The following LRRC71 variants were observed in gnomAD, a reference collection of about 807,000 sequenced individuals.
LRRC71 encodes leucine rich repeat containing 71, also known as leucine-rich repeat-containing protein 71.
In LRRC71, 54 loss-of-function variants were observed where a neutral mutation model predicts 66.6. The ratio of observed to expected loss-of-function variants is 0.81; its 90% CI spans 0.65 to 1.02. The LOEUF is 1.02. Ranked by LOEUF, LRRC71 falls within the 50% of genes least tolerant of loss-of-function variation. The pLI, the probability that LRRC71 is intolerant of heterozygous loss-of-function variation, is 0.00. For synonymous variants in LRRC71, 323 were observed against 303.9 expected (o/e 1.06, Z -0.65); for missense variants, 724 against 718.0 (o/e 1.01, Z -0.10).
rs928622572 is a variant in LRRC71, at chr1:156,929,191, C to T, written c.997-89C>T. 5 of 1,474,318 alleles carry T rather than the reference C, an allele frequency of 3.4e-6. No individual in the cohort carries two copies. In the African/African-American group the frequency reaches 7.0e-5, roughly 21 times the overall value. The allele number at this position is 1,474,318 out of a possible 1,614,324, so 91.3% of individuals were successfully genotyped here. On this transcript the variant is annotated intron_variant, in intron 9 of 14. Coordinates refer to ENST00000337428, the MANE Select transcript of LRRC71 (RefSeq NM_144702.3). ...GGAGGGTGCTGTCAGCTCGACTGCT[C>T]CCCAAGTATGGGTATAGCTACCTTT... is the stretch of plus-strand genomic sequence containing the variant.
chr1:156,929,068 C>T (rs1271924478), intron 9 of LRRC71, among the ~76,000 whole-genome samples: 4 of 152,188 alleles, frequency 2.6e-5, no homozygotes, highest in Non-Finnish European at 2.9e-5. Flanking sequence ...CCCTTCATCT[C>T]ACCCCACCCA....
In LRRC71 at chr1:156,927,972, C is replaced by T; in HGVS notation, c.964C>T (p.Leu322=). The change falls in exon 9 of 15, where the codon CTG becomes TTG. Residue 322 remains leucine (L), a synonymous_variant. Transcript: ENST00000337428. The part of the protein sequence containing the change: ...TEVVERRRLL[L]EKGTQERSRS... ...AGTGGTGGAGCGCCGACGCCTCCTG[C>T]TGGAAAAAGGGACACAGGAGCGCTC... The T allele has an allele frequency of 1.2e-6, 2 of 1,610,130 alleles. No homozygotes were observed. Among genetic ancestry groups the T allele is most frequent in the Non-Finnish European group, 1.7e-6 (2 of 1,178,776 alleles).
chr1:156,931,411 T>A (rs1023972536), intron 12 of LRRC71, among the ~76,000 whole-genome samples: 2 of 152,196 alleles, frequency 1.3e-5, no homozygotes, highest in Non-Finnish European at 2.9e-5. Flanking sequence ...TCTGCCTCTG[T>A]CTTGATCAGG....
chr1:156,925,154 A>G, intron 5 of LRRC71, 139 bp downstream of exon 5: 3 of 779,894 alleles, frequency 3.8e-6, no homozygotes, highest in Non-Finnish European at 6.3e-6. Flanking sequence ...GAAGCAGGCA[A>G]TGTCTGTTGG....
intron 11 of LRRC71, among the ~76,000 whole-genome samples, chr1:156,930,124 A>T (rs1162846321): frequency 2.0e-4 from 15 of 74,018 alleles, no homozygotes; most frequent in South Asian, 4.0e-4. Flanking sequence ...ATGGATTCTC[A>T]CTCTGTTGCC....
downstream of LRRC71, chr1:156,935,934 T>A: frequency 1.3e-6 from 2 of 1,535,914 alleles, no homozygotes; most frequent in Non-Finnish European, 1.8e-6. Flanking sequence ...CCCTACCCTG[T>A]GCCCCGGTCT....
In LRRC71 at chr1:156,932,849, T is replaced by C; in HGVS notation, c.1564-4T>C. 1 of 1,606,250 alleles carries C rather than the reference T, an allele frequency of 6.2e-7. No individual in the cohort carries two copies. Among genetic ancestry groups the C allele is most frequent in the Non-Finnish European group, 8.5e-7 (1 of 1,176,568 alleles). On this transcript the variant is annotated splice_polypyrimidine_tract_variant and splice_region_variant and intron_variant, in intron 14 of 14. Transcript: ENST00000337428. Reference sequence around the variant, plus strand: ...TCAGATGTCAGCCTTCCTTTTCTTTTCAGAAAAATTGCTTCGCCCCACAAT... The same window carrying C: ...TCAGATGTCAGCCTTCCTTTTCTTTCCAGAAAAATTGCTTCGCCCCACAAT...
chr1:156,936,587 A>G (rs540895279), downstream of LRRC71, among the ~76,000 whole-genome samples: 514 of 149,166 alleles, frequency 3.4e-3, 3 homozygotes, highest in Non-Finnish European at 5.5e-3. Flanking sequence ...TGTTACCTCC[A>G]TAGCACAAGG....
chr1:156,940,049 G>T, the LRRC71 span: 1 of 1,442,294 alleles, frequency 6.9e-7, no homozygotes, highest in Non-Finnish European at 9.3e-7. Context: ...ACTAGCTGGT[G>T]GGGGTTGGGT....
At chr1:156,924,207 G>T in intron 2 of LRRC71, 109 bp downstream of exon 2, 7 of 1,335,022 alleles carry the variant, frequency 5.2e-6, no homozygotes, top group East Asian at 2.5e-5. Context: ...GTGTGTGTGT[G>T]AGTCGGCGGT....
At chr1:156,939,566 A>G in the LRRC71 span, 2 of 1,612,232 alleles carry the variant, frequency 1.2e-6, no homozygotes, top group South Asian at 1.1e-5. Context: ...ACAACTTTGT[A>G]ACCTCCTGCT....
Position 156,923,957 on chromosome 1 carries a change from C to G in LRRC71, c.169C>G (p.Gln57Glu), listed in dbSNP as rs1056825824. Reference protein sequence around the residue: ...EEEPKSPEEYQCSGVLETDFA... With the variant: ...EEEPKSPEEYECSGVLETDFA... ...CCTGCCTGCCCCCGCAGAGGAGTAC[C>G]AGTGCTCCGGGGTCCTCGAGACCGA... Residue 57 changes from glutamine to glutamate, a missense_variant, in exon 2 of 15, where the codon CAG (glutamine) becomes GAG (glutamate). By Grantham distance (29) the Gln-to-Glu change is conservative. Coordinates refer to ENST00000337428, the MANE Select transcript of LRRC71 (RefSeq NM_144702.3). The G allele has an allele frequency of 6.6e-7, 1 of 1,516,072 alleles. No individual in the cohort carries two copies. The highest frequency in any genetic ancestry group is 8.9e-7 in the Non-Finnish European group (1 of 1,128,626). 93.9% of individuals were successfully genotyped at this position (1,516,072 alleles called of 1,614,324 possible).
At chr1:156,921,779 T>G (rs1571020085) in intron 1 of LRRC71, 1 of 493,524 alleles carries the variant, frequency 2.0e-6, no homozygotes, top group African/African-American at 2.2e-5. Flanking sequence ...GGCTGCTGTA[T>G]AGAATACAGG....
At position 156,932,044 on chromosome 1, in the gene LRRC71, C is replaced by A. The variant is rs1345426708; in HGVS notation, c.1441+17C>A. Reference sequence around the variant, plus strand: ...ACCTCATCCGTATGTCTGCCAACCTCCCCTGTCCTCCTGTCATGAGGCTAC... The same window carrying A: ...ACCTCATCCGTATGTCTGCCAACCTACCCTGTCCTCCTGTCATGAGGCTAC... On this transcript the variant is annotated intron_variant, in intron 13 of 14. Coordinates refer to ENST00000337428, the MANE Select transcript of LRRC71 (RefSeq NM_144702.3). 6.4e-7 allele frequency: 1 copy of A among 1,559,974 alleles called. No individual in the cohort carries two copies. The highest frequency in any genetic ancestry group is 8.7e-7 in the Non-Finnish European group (1 of 1,147,618).
At chr1:156,939,474 A>T in the LRRC71 span, 4 of 1,591,514 alleles carry the variant, frequency 2.5e-6, no homozygotes, top group Non-Finnish European at 3.4e-6. Context: ...TAGGGAAGGA[A>T]GCAGCTGTTC....
intron 2 of LRRC71, 27 bp downstream of exon 2, chr1:156,924,125 C>A: frequency 6.5e-7 from 1 of 1,543,324 alleles, no homozygotes; most frequent in Non-Finnish European, 8.7e-7. Context: ...CTCCCCGGTG[C>A]CTGCCAGGGC....
chr1:156,931,015 C>T (rs1654294794), intron 12 of LRRC71, among the ~76,000 whole-genome samples: 1 of 152,216 alleles, frequency 6.6e-6, no homozygotes, highest in South Asian at 2.1e-4. Context: ...CTCTCAGCAG[C>T]TCCCTGAGGA....
downstream of LRRC71, among the ~76,000 whole-genome samples, chr1:156,936,541 A>G (rs1407336602): frequency 7.0e-6 from 1 of 142,244 alleles, no homozygotes; most frequent in Non-Finnish European, 1.5e-5. Flanking sequence ...TAAAAAAAGA[A>G]CAAGTCTTAG....
At position 156,929,356 on chromosome 1, in the gene LRRC71, T is replaced by G. The variant is rs761850952; in HGVS notation, c.1073T>G (p.Leu358Trp). The G allele has an allele frequency of 1.2e-6, 2 of 1,613,334 alleles. No homozygotes were observed. Among genetic ancestry groups the G allele is most frequent in the Non-Finnish European group, 1.7e-6 (2 of 1,179,716 alleles). The change falls in exon 10 of 15, where the codon TTG (leucine) becomes TGG (tryptophan). Residue 358 changes from leucine to tryptophan, a missense_variant. By Grantham distance (61) the Leu-to-Trp change is moderately conservative. Coordinates refer to ENST00000337428, the MANE Select transcript of LRRC71 (RefSeq NM_144702.3). ...ATGGTAGGGATCAGCAATAGTGCAT[T>G]GGTGGACAAGACAGACAAGACGCAG... ...SQMVGISNSA[L>W]VDKTDKTQTM...
Sources: gnomAD v4.1 joint callset for allele counts (sites outside exome capture counted in the v4.1 genomes callset) on GRCh38, gnomAD v4.1.1 for gene constraint, MANE v1.5 for transcripts, NCBI Gene and HGNC (gene_info 2026-07-23, HGNC 2026-07-21) for gene names.